Variants in IL23R observed in about 807,000 individuals in gnomAD.
IL23R encodes interleukin-23 receptor.
IL23R carries 34 observed loss-of-function variants against 56.9 expected under a neutral mutation model. The observed-to-expected ratio is 0.60, with a 90% CI of 0.45 to 0.80. The LOEUF (loss-of-function observed/expected upper bound fraction) is 0.80. Ranked by LOEUF, IL23R falls within the 30% of genes least tolerant of loss-of-function variation. IL23R has a pLI of 0.00. For missense variants in IL23R, 635 were observed against 730.0 expected (o/e 0.87, Z 1.50); for synonymous variants, 230 against 249.2 (o/e 0.92, Z 0.73).
intron 9 of IL23R, among the ~76,000 whole-genome samples, chr1:67,241,662 A>G (rs2100333929): frequency 6.6e-6 from 1 of 152,298 alleles, no homozygotes; most frequent in South Asian, 2.1e-4. Context: ...TTGTTATTCC[A>G]GTTGAAGAGA....
chr1:67,223,821 A>G (rs1374579612), intron 7 of IL23R, among the ~76,000 whole-genome samples: 2 of 152,174 alleles, frequency 1.3e-5, no homozygotes, highest in Non-Finnish European at 2.9e-5. Context: ...CCTAAATAAC[A>G]TCTAGGTCAT....
intron 6 of IL23R, among the ~76,000 whole-genome samples, chr1:67,208,991 T>C (rs145831935): frequency 1.0e-3 from 157 of 152,290 alleles, no homozygotes; most frequent in African/African-American, 3.6e-3. Context: ...TTTATCAGCA[T>C]AACCTGGATG....
intron 9 of IL23R, among the ~76,000 whole-genome samples, chr1:67,252,137 A>C (rs936335187): frequency 1.3e-5 from 2 of 151,664 alleles, no homozygotes; most frequent in Middle Eastern, 3.4e-3. Context: ...TAATGTATAA[A>C]CTGGAAGGAA....
intron 9 of IL23R, among the ~76,000 whole-genome samples, chr1:67,243,547 A>G (rs1221145455): frequency 6.6e-6 from 1 of 151,930 alleles, no homozygotes; most frequent in Non-Finnish European, 1.5e-5. Flanking sequence ...CTTATGAGTG[A>G]GAACATGTGG....
intron 6 of IL23R, chr1:67,207,278 G>A: frequency 1.6e-6 from 1 of 611,354 alleles, no homozygotes. Flanking sequence ...TGGTATTGAG[G>A]TTTGGGGTAT....
intron 1 of IL23R, among the ~76,000 whole-genome samples, chr1:67,153,672 ACTT>A (rs1055552750): frequency 1.3e-4 from 20 of 152,150 alleles, no homozygotes; most frequent in African/African-American, 4.8e-4. Flanking sequence ...CGTTCAAAGA[ACTT>A]CTTAATTTCT....
intron 7 of IL23R, among the ~76,000 whole-genome samples, chr1:67,228,744 T>C (rs1650908626): frequency 1.3e-5 from 2 of 152,050 alleles, no homozygotes; most frequent in Admixed American, 6.6e-5. Context: ...GCTGCCTACA[T>C]TCCTCAGCTC....
chr1:67,263,194 A>G (rs1314662285), downstream of IL23R, among the ~76,000 whole-genome samples: 4 of 147,272 alleles, frequency 2.7e-5, no homozygotes, highest in Admixed American at 2.8e-4. Flanking sequence ...CCCAGGCCCA[A>G]GCAATTCCCC....
intron 4 of IL23R, among the ~76,000 whole-genome samples, chr1:67,195,410 C>A (rs911558263): frequency 6.6e-6 from 1 of 152,184 alleles, no homozygotes; most frequent in Non-Finnish European, 1.5e-5. Flanking sequence ...TACTCTGTTT[C>A]TTATTTAATT....
intron 7 of IL23R, among the ~76,000 whole-genome samples, chr1:67,223,185 C>T (rs755363035): frequency 2.0e-5 from 3 of 152,006 alleles, no homozygotes; most frequent in Non-Finnish European, 4.4e-5. Flanking sequence ...ACTTGAGAGG[C>T]GGAGGTTGCA....
intron 9 of IL23R, among the ~76,000 whole-genome samples, chr1:67,241,918 C>G (rs565890300): frequency 6.6e-6 from 1 of 152,134 alleles, no homozygotes; most frequent in Non-Finnish European, 1.5e-5. Context: ...ACAACTGAAT[C>G]ACTATAATAC....
At chr1:67,143,306 A>G (rs555335161) in intron 1 of IL23R, among the ~76,000 whole-genome samples, 7 of 152,326 alleles carry the variant, frequency 4.6e-5, no homozygotes, top group African/African-American at 1.7e-4. Flanking sequence ...GAATATATAA[A>G]TATCATGACA....
At chr1:67,147,814 A>G (rs1449655395) in intron 1 of IL23R, among the ~76,000 whole-genome samples, 2 of 152,226 alleles carry the variant, frequency 1.3e-5, no homozygotes, top group Admixed American at 6.5e-5. Flanking sequence ...TTTGTATCCA[A>G]TGTAATAATA....
At chr1:67,183,536 A>AAAAAT (rs916359143) in intron 4 of IL23R, among the ~76,000 whole-genome samples, 23 of 152,210 alleles carry the variant, frequency 1.5e-4, no homozygotes, top group African/African-American at 5.1e-4. Context: ...CTCCATCTCA[A>AAAAAT]AAAATAAAAT....
intron 1 of IL23R, among the ~76,000 whole-genome samples, chr1:67,148,346 G>A (rs144189736): frequency 1.3e-5 from 2 of 152,300 alleles, no homozygotes; most frequent in Admixed American, 6.5e-5. Flanking sequence ...CCATAGAAGG[G>A]GAGGGGACCC....
At chr1:67,216,845 A>G (rs1458947323) in intron 6 of IL23R, among the ~76,000 whole-genome samples, 1 of 152,224 alleles carries the variant, frequency 6.6e-6, no homozygotes, top group African/African-American at 2.4e-5. Context: ...AGGTTGGTAT[A>G]AGACAGAAAA....
chr1:67,228,201 C>CCTT (rs1650861398), intron 7 of IL23R, among the ~76,000 whole-genome samples: 1 of 76,290 alleles, frequency 1.3e-5, no homozygotes. Context: ...CTTCCTTCCT[C>CCTT]CCTTCTTTTT....
At chr1:67,217,364 G>A (rs1649914867) in intron 6 of IL23R, among the ~76,000 whole-genome samples, 1 of 152,132 alleles carries the variant, frequency 6.6e-6, no homozygotes. Flanking sequence ...GCCCTAAGCA[G>A]CCACCTGGTT....
chr1:67,170,365 C>G (rs1020904464), intron 3 of IL23R, among the ~76,000 whole-genome samples: 2 of 152,218 alleles, frequency 1.3e-5, no homozygotes, highest in African/African-American at 4.8e-5. Context: ...CCTAATCTCA[C>G]TATTCCAATT....
Sources: allele counts gnomAD v4.1 joint callset (sites outside exome capture counted in the v4.1 genomes callset), GRCh38; gene constraint gnomAD v4.1.1; transcripts MANE v1.5; gene names NCBI Gene and HGNC (gene_info 2026-07-23, HGNC 2026-07-21).